The following GRID2 variants were observed in gnomAD, a reference collection of about 807,000 sequenced individuals.
GRID2 encodes glutamate receptor ionotropic, delta-2.
In GRID2, 33 loss-of-function variants were observed where a neutral mutation model predicts 114.8. The ratio of observed to expected loss-of-function variants is 0.29; its 90% CI spans 0.22 to 0.38. The LOEUF is 0.38. Among genes scored for constraint, GRID2 ranks in the 10% least tolerant of loss-of-function variants. The pLI, the probability that GRID2 is intolerant of heterozygous loss-of-function variation, is 1.00. For missense variants in GRID2, 1,184 were observed against 1,257.7 expected (o/e 0.94, Z 0.89); for synonymous variants, 505 against 449.9 (o/e 1.12, Z -1.55).
chr4:92,355,150 A>C (rs1358956758), intron 1 of GRID2, among the ~76,000 whole-genome samples: 1 of 151,602 alleles, frequency 6.6e-6, no homozygotes, highest in East Asian at 1.9e-4. Flanking sequence ...TATCATCTGT[A>C]TTTTCTCTCT....
chr4:92,631,444 C>A (rs535743170), intron 2 of GRID2, among the ~76,000 whole-genome samples: 1 of 152,120 alleles, frequency 6.6e-6, no homozygotes, highest in African/African-American at 2.4e-5. Context: ...AAATTTAAAT[C>A]TTTTTAAAAT....
At chr4:92,679,785 CTGTCATTAG>C (rs1193677887) in intron 2 of GRID2, among the ~76,000 whole-genome samples, 1 of 151,896 alleles carries the variant, frequency 6.6e-6, no homozygotes, top group Non-Finnish European at 1.5e-5. Context: ...ACAGCTATGT[CTGTCATTAG>C]TGTCATTAGT....
intron 2 of GRID2, among the ~76,000 whole-genome samples, chr4:92,796,643 T>C (rs1193861711): frequency 6.6e-6 from 1 of 151,972 alleles, no homozygotes; most frequent in Non-Finnish European, 1.5e-5. Flanking sequence ...TAAAAATATG[T>C]TCAGGCAGAT....
intron 1 of GRID2, among the ~76,000 whole-genome samples, chr4:92,314,474 T>A (rs1725865961): frequency 6.6e-6 from 1 of 152,068 alleles, no homozygotes; most frequent in South Asian, 2.1e-4. Flanking sequence ...TTTGGAAACA[T>A]TTTTTTAAAA....
intron 1 of GRID2, among the ~76,000 whole-genome samples, chr4:92,525,762 A>C (rs1725010399): frequency 6.6e-6 from 1 of 152,100 alleles, no homozygotes; most frequent in Non-Finnish European, 1.5e-5. Context: ...AAGCAGGTGA[A>C]GATGCAGAGA....
chr4:93,565,442 A>C (rs182629658), intron 13 of GRID2, among the ~76,000 whole-genome samples: 13 of 152,336 alleles, frequency 8.5e-5, no homozygotes, highest in Admixed American at 6.5e-4. Context: ...GTTTCAATAA[A>C]AAAAGGAAAA....
At chr4:93,042,213 T>A (rs1292054067) in intron 2 of GRID2, among the ~76,000 whole-genome samples, 1 of 151,118 alleles carries the variant, frequency 6.6e-6, no homozygotes, top group Non-Finnish European at 1.5e-5. Flanking sequence ...GAAATATACA[T>A]CTTAAAATAT....
At chr4:92,712,942 G>A (rs1474332473) in intron 2 of GRID2, among the ~76,000 whole-genome samples, 2 of 151,746 alleles carry the variant, frequency 1.3e-5, no homozygotes, top group Middle Eastern at 3.2e-3. Flanking sequence ...CAAACCCAGA[G>A]TCAAATTATT....
intron 11 of GRID2, among the ~76,000 whole-genome samples, chr4:93,489,134 T>A (rs1314999144): frequency 1.3e-5 from 2 of 152,014 alleles, no homozygotes; most frequent in Non-Finnish European, 2.9e-5. Context: ...TTGTTATTTT[T>A]AAAAAGATAA....
At chr4:92,479,185 T>G (rs1722463282) in intron 1 of GRID2, among the ~76,000 whole-genome samples, 1 of 152,172 alleles carries the variant, frequency 6.6e-6, no homozygotes, top group Non-Finnish European at 1.5e-5. Context: ...TGTGTATAAT[T>G]ATGATACATT....
chr4:92,719,383 A>G (rs1353248638), intron 2 of GRID2, among the ~76,000 whole-genome samples: 6 of 152,186 alleles, frequency 3.9e-5, no homozygotes, highest in African/African-American at 1.4e-4. Context: ...TTGTCCATTT[A>G]TCTCTAATGG....
rs116665095 is a variant in GRID2, at chr4:93,804,175, A to T, written c.222-2540A>T. 4.1e-3 allele frequency among the ~76,000 whole-genome samples: 631 copies of T among 152,286 alleles called. 7 individuals are homozygous for T. Among genetic ancestry groups the T allele is most frequent in the African/African-American group, 0.015 (607 of 41,544 alleles). ...TAAAAATAAATTAAAAATTGTCCCC[A>T]CCATCCATGAGACTATCACAGACAA... On this transcript the variant is annotated intron_variant, in intron 1 of 1. Transcript: ENST00000637838.
intron 14 of GRID2, among the ~76,000 whole-genome samples, chr4:93,765,438 A>C (rs769428223): frequency 6.6e-6 from 1 of 151,922 alleles, no homozygotes; most frequent in South Asian, 2.1e-4. Flanking sequence ...AACAATACAA[A>C]GAGATTTTTG....
chr4:92,324,350 T>G (rs1726477007), intron 1 of GRID2, among the ~76,000 whole-genome samples: 1 of 151,998 alleles, frequency 6.6e-6, no homozygotes, highest in Admixed American at 6.6e-5. Flanking sequence ...TGGAACTCTT[T>G]TCTTCCCAGA....
chr4:92,779,494 C>T lies in GRID2; in HGVS notation c.244+189208C>T, dbSNP rs114501680. 3.9e-5 allele frequency among the ~76,000 whole-genome samples: 6 copies of T among 152,126 alleles called. No homozygotes were observed. In the East Asian group the frequency reaches 5.8e-4, roughly 15 times the overall value. ...TTAAAGACAGATGAGTTTATTCTCT[C>T]GCACACCAAATAAAGCTAGAAGTGA... On this transcript the variant is annotated intron_variant, in intron 2 of 15. Coordinates refer to ENST00000282020, the MANE Select transcript of GRID2 (RefSeq NM_001510.4).
intron 2 of GRID2, among the ~76,000 whole-genome samples, chr4:92,676,062 T>G (rs1392025320): frequency 6.6e-6 from 1 of 152,080 alleles, no homozygotes; most frequent in African/African-American, 2.4e-5. Context: ...TACTCAATAT[T>G]TTGTCATAAA....
intron 14 of GRID2, among the ~76,000 whole-genome samples, chr4:93,710,106 T>C (rs1002263148): frequency 3.9e-5 from 6 of 152,196 alleles, no homozygotes; most frequent in African/African-American, 1.4e-4. Flanking sequence ...CATGTTTTCC[T>C]GGATGGTCTT....
intron 2 of GRID2, among the ~76,000 whole-genome samples, chr4:92,803,462 T>G (rs1361881353): frequency 6.6e-6 from 1 of 152,012 alleles, no homozygotes; most frequent in East Asian, 1.9e-4. Flanking sequence ...GATGTCATTT[T>G]TGTTTTAACT....
chr4:92,665,404 A>G (rs1398326391), intron 2 of GRID2, among the ~76,000 whole-genome samples: 1 of 151,260 alleles, frequency 6.6e-6, no homozygotes, highest in Non-Finnish European at 1.5e-5. Flanking sequence ...ATGTAAAGTA[A>G]TAATTTTTCC....
Sources: allele counts gnomAD v4.1 joint callset (sites outside exome capture counted in the v4.1 genomes callset), GRCh38; gene constraint gnomAD v4.1.1; transcripts MANE v1.5; gene names NCBI Gene and HGNC (gene_info 2026-07-23, HGNC 2026-07-21).